PDE11A: variants seen among roughly 807,000 people sequenced by gnomAD.
The protein encoded by PDE11A is dual 3',5'-cyclic-AMP and -GMP phosphodiesterase 11A.
PDE11A carries 100 observed loss-of-function variants against 100.5 expected under a neutral mutation model. That is an observed-to-expected ratio of 1.00 (90% confidence interval 0.85 to 1.18). PDE11A has a LOEUF of 1.18. Among genes scored for constraint, PDE11A ranks in the 50% most tolerant of loss-of-function variants. The pLI is 0.00. For synonymous variants in PDE11A, 381 were observed against 420.8 expected, an observed-to-expected ratio of 0.91 and a Z score of 1.16; for missense variants, 1,141 against 1,152.6, an observed-to-expected ratio of 0.99 and a Z score of 0.15.
intron 10 of PDE11A, among the ~76,000 whole-genome samples, chr2:177,736,127 A>G (rs1176078495): frequency 6.6e-6 from 1 of 152,200 alleles, no homozygotes; most frequent in Admixed American, 6.5e-5. Flanking sequence ...TTCTGGGTCT[A>G]ATGGGTCTAT....
At chr2:177,869,121 G>A (rs2084080466) in intron 5 of PDE11A, among the ~76,000 whole-genome samples, 1 of 152,184 alleles carries the variant, frequency 6.6e-6, no homozygotes, top group African/African-American at 2.4e-5. Context: ...ATCTGAGAAT[G>A]GGTTCAAACT....
At chr2:177,945,237 G>C (rs1192049177) in intron 2 of PDE11A, among the ~76,000 whole-genome samples, 1 of 146,972 alleles carries the variant, frequency 6.8e-6, no homozygotes, top group South Asian at 2.3e-4. Context: ...CTGCCCGGCC[G>C]CCACCCCGTC....
At chr2:177,804,554 C>T (rs1270410689) in intron 9 of PDE11A, among the ~76,000 whole-genome samples, 3 of 151,854 alleles carry the variant, frequency 2.0e-5, no homozygotes, top group Non-Finnish European at 4.4e-5. Context: ...CCATTCAATC[C>T]AGTAATCCTA....
chr2:177,979,001 G>A (rs1457226370), intron 2 of PDE11A, among the ~76,000 whole-genome samples: 25 of 131,260 alleles, frequency 1.9e-4, no homozygotes, highest in African/African-American at 4.8e-4. Context: ...TGGGTGCAGC[G>A]CACCAGCATG....
At chr2:177,862,066 A>G (rs1390161387) in intron 5 of PDE11A, among the ~76,000 whole-genome samples, 2 of 151,926 alleles carry the variant, frequency 1.3e-5, no homozygotes, top group Non-Finnish European at 2.9e-5. Context: ...TATAAATTGA[A>G]TATCAAAATC....
chr2:177,764,681 T>TA (rs2082215306), intron 10 of PDE11A, among the ~76,000 whole-genome samples: 1 of 152,230 alleles, frequency 6.6e-6, no homozygotes, highest in African/African-American at 2.4e-5. Context: ...GCTGCAGAGA[T>TA]AAAAACAGTC....
intron 10 of PDE11A, among the ~76,000 whole-genome samples, chr2:177,760,081 C>A (rs1386754910): frequency 1.3e-5 from 2 of 152,302 alleles, no homozygotes; most frequent in African/African-American, 2.4e-5. Context: ...CAGGAACAGA[C>A]AAAACATTGC....
At chr2:177,931,289 CAT>C (rs1400786556) in intron 2 of PDE11A, among the ~76,000 whole-genome samples, 8 of 152,170 alleles carry the variant, frequency 5.3e-5, no homozygotes, top group African/African-American at 1.9e-4. Flanking sequence ...TCATGAACAA[CAT>C]GTTGCTTCAA....
Position 178,052,273 on chromosome 2 carries a change from T to C in PDE11A, c.912+19253A>G, listed in dbSNP as rs536998587. On this transcript the variant is annotated intron_variant, in intron 1 of 19. Coordinates refer to ENST00000286063, the MANE Select transcript of PDE11A (RefSeq NM_016953.4). ...TGCTCCTGAATGACTACTGGGTACATAACGAAATGAAGGCAGAAATAAAGA... is the reference window on the plus strand; with the variant it reads ...TGCTCCTGAATGACTACTGGGTACACAACGAAATGAAGGCAGAAATAAAGA... Among the ~76,000 whole-genome samples the C allele has an allele frequency of 5.3e-3, 811 of 152,272 alleles. 4 individuals carry two copies. Among genetic ancestry groups the C allele is most frequent in the African/African-American group, 0.019 (777 of 41,536 alleles).
At chr2:177,770,280 G>A (rs1314568074) in intron 9 of PDE11A, among the ~76,000 whole-genome samples, 1 of 152,204 alleles carries the variant, frequency 6.6e-6, no homozygotes, top group African/African-American at 2.4e-5. Context: ...GGAAGGGCAT[G>A]GCCTGAGAGG....
intron 9 of PDE11A, among the ~76,000 whole-genome samples, chr2:177,777,745 G>C (rs1027167642): frequency 1.3e-5 from 2 of 152,170 alleles, no homozygotes; most frequent in African/African-American, 4.8e-5. Flanking sequence ...CAGGTTATGA[G>C]AGTATTACTA....
At chr2:178,083,872 AGGATAATATAT>A (rs1373429081) in intron 2 of PDE11A, among the ~76,000 whole-genome samples, 1 of 152,238 alleles carries the variant, frequency 6.6e-6, no homozygotes, top group Non-Finnish European at 1.5e-5. Context: ...TTTTATGAAA[AGGATAATATAT>A]GCTTGTAAAA....
At chr2:178,017,202 A>C (rs2086349607) in intron 1 of PDE11A, among the ~76,000 whole-genome samples, 1 of 152,244 alleles carries the variant, frequency 6.6e-6, no homozygotes, top group African/African-American at 2.4e-5. Context: ...GCCACATACC[A>C]CTCTTTGGCA....
At position 177,930,754 on chromosome 2, in the gene PDE11A, C is replaced by T. The variant is rs1382326885; in HGVS notation, c.1072-25567G>A. Among the ~76,000 whole-genome samples, 5 of 152,178 alleles carry T rather than the reference C, an allele frequency of 3.3e-5. No homozygotes were observed. In the East Asian group the frequency reaches 9.6e-4, roughly 29 times the overall value. On this transcript the variant is annotated intron_variant, in intron 2 of 19. Transcript: ENST00000286063. ...GAGACAGGCATTGACTAACACAAGG[C>T]CCAGGGTTGTTTTGGGAGCCCTGGA...
intron 9 of PDE11A, among the ~76,000 whole-genome samples, chr2:177,805,113 G>A (rs1048219934): frequency 1.3e-5 from 2 of 151,000 alleles, no homozygotes; most frequent in African/African-American, 2.4e-5. Flanking sequence ...TTAGATGTAT[G>A]TAGTTTACAA....
chr2:177,919,986 G>C (rs932272446), intron 2 of PDE11A, among the ~76,000 whole-genome samples: 2 of 152,046 alleles, frequency 1.3e-5, no homozygotes, highest in Non-Finnish European at 1.5e-5. Context: ...TGTAAGAAAA[G>C]GATGGTTTCA....
At chr2:177,795,706 A>G (rs373965344) in intron 9 of PDE11A, among the ~76,000 whole-genome samples, 6 of 151,914 alleles carry the variant, frequency 3.9e-5, no homozygotes, top group African/African-American at 9.6e-5. Context: ...TTTATGGGGT[A>G]CATGTGTTTG....
chr2:178,026,614 T>C (rs1035033948), intron 1 of PDE11A, among the ~76,000 whole-genome samples: 2 of 151,698 alleles, frequency 1.3e-5, no homozygotes, highest in Non-Finnish European at 2.9e-5. Context: ...TGAGCCGAGA[T>C]TGCGCCACTG....
At chr2:178,001,415 C>T (rs1353483114) in intron 2 of PDE11A, among the ~76,000 whole-genome samples, 1 of 151,962 alleles carries the variant, frequency 6.6e-6, no homozygotes, top group African/African-American at 2.4e-5. Context: ...ATTACAAGTG[C>T]TCCAGAGATC....
Sources: allele counts gnomAD v4.1 joint callset (sites outside exome capture counted in the v4.1 genomes callset), GRCh38; gene constraint gnomAD v4.1.1; transcripts MANE v1.5; gene names NCBI Gene and HGNC (gene_info 2026-07-23, HGNC 2026-07-21).